The following NRXN3 variants were observed in gnomAD, a reference collection of about 807,000 sequenced individuals.
NRXN3 encodes the protein neurexin III.
NRXN3 carries 32 observed loss-of-function variants against 137.6 expected under a neutral mutation model. That is an observed-to-expected ratio of 0.23 (90% CI 0.18 to 0.31). The LOEUF is 0.31. Among genes scored for constraint, NRXN3 ranks in the 10% least tolerant of loss-of-function variants. NRXN3 has a pLI of 1.00. For missense variants in NRXN3, 1,574 were observed against 2,062.5 expected, an observed-to-expected ratio of 0.76 and a Z score of 4.59; for synonymous variants, 798 against 784.5, an observed-to-expected ratio of 1.02 and a Z score of -0.29.
At chr14:78,811,363 G>A (rs913656943) in intron 10 of NRXN3, among the ~76,000 whole-genome samples, 7 of 152,210 alleles carry the variant, frequency 4.6e-5, no homozygotes, top group Middle Eastern at 3.4e-3. Context: ...GGCTGTATCC[G>A]TAGGGAAGAG....
At chr14:78,173,080 A>G (rs572496588) in intron 1 of NRXN3, among the ~76,000 whole-genome samples, 121 of 152,066 alleles carry the variant, frequency 8.0e-4, no homozygotes, top group African/African-American at 2.5e-3. Context: ...GTCGATGTGC[A>G]TGGTAGGAAG....
chr14:79,259,384 A>C (rs1272994485), intron 15 of NRXN3, among the ~76,000 whole-genome samples: 2 of 151,810 alleles, frequency 1.3e-5, no homozygotes, highest in Non-Finnish European at 2.9e-5. Flanking sequence ...AAAACTTCTG[A>C]CTTTCCAATG....
At chr14:78,894,852 T>C (rs1248845563) in intron 10 of NRXN3, among the ~76,000 whole-genome samples, 2 of 151,454 alleles carry the variant, frequency 1.3e-5, no homozygotes, top group Non-Finnish European at 3.0e-5. Flanking sequence ...CTGGAGTGAC[T>C]AGGTGCATTG....
At chr14:79,432,849 T>G (rs1270849859) in intron 15 of NRXN3, among the ~76,000 whole-genome samples, 1 of 152,204 alleles carries the variant, frequency 6.6e-6, no homozygotes. Context: ...TGCAGACACA[T>G]GCAATTCTGG....
At chr14:78,182,880 G>A (rs2059932554) in intron 1 of NRXN3, among the ~76,000 whole-genome samples, 2 of 152,170 alleles carry the variant, frequency 1.3e-5, no homozygotes, top group Admixed American at 1.3e-4. Context: ...AGTGACTTTC[G>A]ATAGGAAGCA....
At chr14:78,548,118 C>T (rs1175770446) in intron 4 of NRXN3, among the ~76,000 whole-genome samples, 1 of 152,120 alleles carries the variant, frequency 6.6e-6, no homozygotes, top group Non-Finnish European at 1.5e-5. Flanking sequence ...GGCCATAAAA[C>T]AGAAAAGTAA....
chr14:78,701,062 G>A (rs117747604), intron 6 of NRXN3, among the ~76,000 whole-genome samples: 4,530 of 152,142 alleles, frequency 0.03, 97 homozygotes, highest in Middle Eastern at 0.082. Flanking sequence ...GAGCCACTGC[G>A]CCCGGCCTGG....
intron 8 of NRXN3, among the ~76,000 whole-genome samples, chr14:78,767,292 G>A (rs2098712182): frequency 6.6e-6 from 1 of 152,136 alleles, no homozygotes; most frequent in Admixed American, 6.6e-5. Context: ...TAATATAGCA[G>A]CTTCTTCAAA....
chr14:78,188,783 G>C (rs12880798), intron 1 of NRXN3, among the ~76,000 whole-genome samples: 36,645 of 152,048 alleles, frequency 0.24, 5,398 homozygotes, highest in Non-Finnish European at 0.32. Flanking sequence ...TACAAAATAG[G>C]AATGGCGTCA....
chr14:79,166,790 A>G (rs761209411), intron 15 of NRXN3, among the ~76,000 whole-genome samples: 4 of 151,938 alleles, frequency 2.6e-5, no homozygotes, highest in Non-Finnish European at 5.9e-5. Context: ...TTTGAGCAAG[A>G]TGCTACATCT....
At chr14:79,784,417 G>A (rs2099122977) in intron 19 of NRXN3, among the ~76,000 whole-genome samples, 1 of 152,054 alleles carries the variant, frequency 6.6e-6, no homozygotes, top group Non-Finnish European at 1.5e-5. Context: ...ATTTTTGCAT[G>A]TCTTCTTTAT....
At chr14:79,275,314 T>G (rs1308706479) in intron 15 of NRXN3, among the ~76,000 whole-genome samples, 1 of 151,680 alleles carries the variant, frequency 6.6e-6, no homozygotes, top group Non-Finnish European at 1.5e-5. Flanking sequence ...ACTCTTCATA[T>G]TTGGAAAAAA....
chr14:79,688,496 G>GT (rs2098704036), intron 17 of NRXN3, among the ~76,000 whole-genome samples: 1 of 152,118 alleles, frequency 6.6e-6, no homozygotes, highest in Admixed American at 6.5e-5. Flanking sequence ...CTATTTTTCA[G>GT]TTTTTTCACT....
At chr14:78,262,628 C>T (rs777222436) in intron 2 of NRXN3, among the ~76,000 whole-genome samples, 14 of 152,058 alleles carry the variant, frequency 9.2e-5, no homozygotes, top group Non-Finnish European at 1.9e-4. Flanking sequence ...TCCTGCCCTC[C>T]CAGGTCCTCC....
intron 15 of NRXN3, among the ~76,000 whole-genome samples, chr14:79,086,891 A>G (rs1033795777): frequency 3.3e-5 from 5 of 152,198 alleles, no homozygotes; most frequent in African/African-American, 1.2e-4. Context: ...CTTTTAAAAC[A>G]TTTGAATGGG....
chr14:78,171,076 C>T (rs2058680843), intron 1 of NRXN3, among the ~76,000 whole-genome samples: 1 of 151,608 alleles, frequency 6.6e-6, no homozygotes, highest in Non-Finnish European at 1.5e-5. Context: ...TCACTTCCCC[C>T]CTCATTTATT....
At chr14:79,818,508 A>G (rs1419500049) in intron 20 of NRXN3, among the ~76,000 whole-genome samples, 6 of 152,336 alleles carry the variant, frequency 3.9e-5, no homozygotes, top group Non-Finnish European at 1.5e-5. Context: ...TCAGAAATAA[A>G]TATGTTCCTT....
rs2058820561 is a variant in NRXN3, at chr14:78,172,517, A to G, written c.-704+1843A>G. Among the ~76,000 whole-genome samples the G allele has an allele frequency of 2.0e-5, 3 of 152,158 alleles. No homozygotes were observed. The South Asian group carries it at 6.2e-4, about 32-fold the overall frequency. ...CTGCCTAAGTCATATGGGGCAAACG[A>G]TATTTCAGACGGGTGCTGGTTGTGC... On this transcript the variant is annotated intron_variant, in intron 1 of 20. Transcript: ENST00000335750.
intron 10 of NRXN3, among the ~76,000 whole-genome samples, chr14:78,912,266 A>G (rs1020991320): frequency 2.0e-5 from 3 of 150,322 alleles, no homozygotes; most frequent in Non-Finnish European, 3.0e-5. Context: ...CTATTCTTTT[A>G]TTAGCCACCA....
Sources: gnomAD v4.1 joint callset for allele counts (sites outside exome capture counted in the v4.1 genomes callset) on GRCh38, gnomAD v4.1.1 for gene constraint, MANE v1.5 for transcripts, NCBI Gene and HGNC (gene_info 2026-07-23, HGNC 2026-07-21) for gene names.